SNTG1: variants seen among roughly 807,000 people sequenced by gnomAD.
SNTG1 encodes the protein gamma-1-syntrophin.
In SNTG1, 39 loss-of-function variants were observed where a neutral mutation model predicts 74.7. That is an observed-to-expected ratio of 0.52 (90% CI 0.40 to 0.68). The LOEUF (loss-of-function observed/expected upper bound fraction) is 0.68, where lower values mean the gene tolerates loss of function less well. Ranked by LOEUF, SNTG1 falls within the 30% of genes least tolerant of loss-of-function variation. The probability of loss-of-function intolerance (pLI) is 0.00; values close to 1 mark genes in which losing one functional copy is unlikely to be tolerated. For synonymous variants in SNTG1, 254 were observed against 217.1 expected, an observed-to-expected ratio of 1.17 and a Z score of -1.49; for missense variants, 685 against 609.5, an observed-to-expected ratio of 1.12 and a Z score of -1.30.
chr8:50,482,630 A>G (rs1383817), intron 8 of SNTG1, among the ~76,000 whole-genome samples: 3,513 of 152,272 alleles, frequency 0.023, 126 homozygotes, highest in African/African-American at 0.077. Flanking sequence ...ACTTCAATTC[A>G]TTTAGAGAGT....
chr8:50,651,497 G>A (rs1290835650), intron 13 of SNTG1, among the ~76,000 whole-genome samples: 6 of 151,888 alleles, frequency 4.0e-5, no homozygotes, highest in African/African-American at 1.5e-4. Context: ...CGCTCTTGTT[G>A]CCCAGACTGG....
chr8:50,713,960 G>A (rs766559558), intron 17 of SNTG1, among the ~76,000 whole-genome samples: 1 of 151,322 alleles, frequency 6.6e-6, no homozygotes, highest in African/African-American at 2.4e-5. Flanking sequence ...TCAGGAGGCT[G>A]AGGCAGGAGA....
intron 4 of SNTG1, among the ~76,000 whole-genome samples, chr8:50,421,060 G>GC (rs1310954505): frequency 8.4e-6 from 1 of 119,400 alleles, no homozygotes; most frequent in Non-Finnish European, 1.8e-5. Flanking sequence ...GGAGGGGGGG[G>GC]CGAAGATAAA....
rs2080104626 is a variant in SNTG1 at position 50,101,057 on chromosome 8, T to C, written c.-102-71504T>C. On this transcript the variant is annotated intron_variant, in intron 1 of 18. Transcript: ENST00000642720. Reference sequence around the variant, plus strand: ...TTTGGTTTTCTGTTCCTACGTTACTTTGCTTAGGATAATGGCCTCCAGTTC... The same window carrying C: ...TTTGGTTTTCTGTTCCTACGTTACTCTGCTTAGGATAATGGCCTCCAGTTC... Among the ~76,000 whole-genome samples the C allele has an allele frequency of 1.3e-5, 2 of 152,150 alleles. 1 individual carries two copies. The highest frequency in any genetic ancestry group is 4.1e-4 in the South Asian group (2 of 4,834).
chr8:50,270,275 G>A (rs1045248092), intron 2 of SNTG1, among the ~76,000 whole-genome samples: 2 of 152,086 alleles, frequency 1.3e-5, no homozygotes, highest in African/African-American at 4.8e-5. Context: ...GTGTTTCAGT[G>A]GGGCCACACA....
chr8:50,439,422 A>G (rs2093337237), intron 5 of SNTG1, among the ~76,000 whole-genome samples: 1 of 152,070 alleles, frequency 6.6e-6, no homozygotes. Flanking sequence ...CTCATGTCAT[A>G]TATTTATGGA....
intron 4 of SNTG1, among the ~76,000 whole-genome samples, chr8:50,424,399 C>T (rs143805945): frequency 1.3e-5 from 2 of 152,150 alleles, no homozygotes; most frequent in East Asian, 3.9e-4. Flanking sequence ...GTAAGGTGTA[C>T]CAATCAAAAA....
intron 8 of SNTG1, among the ~76,000 whole-genome samples, chr8:50,484,278 C>G (rs2093770921): frequency 6.7e-6 from 1 of 149,956 alleles, no homozygotes; most frequent in Non-Finnish European, 1.5e-5. Context: ...AGCAATGGCA[C>G]AGTCTCAGCT....
chr8:50,088,203 C>T (rs1336306165), intron 1 of SNTG1, among the ~76,000 whole-genome samples: 5 of 151,708 alleles, frequency 3.3e-5, no homozygotes, highest in Admixed American at 6.6e-5. Context: ...TGGGTTGGTT[C>T]CAAGTCTTTG....
intron 13 of SNTG1, among the ~76,000 whole-genome samples, chr8:50,630,104 G>T (rs1042313530): frequency 1.3e-5 from 2 of 152,120 alleles, no homozygotes; most frequent in Non-Finnish European, 2.9e-5. Flanking sequence ...GTGATAAAAG[G>T]TAAGTAGGAA....
intron 4 of SNTG1, among the ~76,000 whole-genome samples, chr8:50,436,897 G>A (rs548698312): frequency 5.9e-5 from 9 of 152,016 alleles, no homozygotes; most frequent in East Asian, 5.8e-4. Flanking sequence ...TAGGTTTTGC[G>A]ATATAAATTC....
chr8:50,068,186 C>G (rs1821055637), intron 1 of SNTG1, among the ~76,000 whole-genome samples: 1 of 152,148 alleles, frequency 6.6e-6, no homozygotes, highest in Non-Finnish European at 1.5e-5. Context: ...TCTCACATTG[C>G]AGGTTTGATG....
intron 1 of SNTG1, among the ~76,000 whole-genome samples, chr8:49,919,454 G>C (rs532394536): frequency 1.8e-4 from 27 of 152,218 alleles, no homozygotes; most frequent in African/African-American, 6.5e-4. Context: ...CAATGCTAGT[G>C]AAGAATCTAC....
At chr8:49,910,466 G>C (rs1805524229), upstream of SNTG1, among the ~76,000 whole-genome samples, 1 of 152,148 alleles carries the variant, frequency 6.6e-6, no homozygotes, top group Non-Finnish European at 1.5e-5. Flanking sequence ...ACTCCACATA[G>C]TTTCAAAGGT....
chr8:50,006,119 T>A (rs318917), intron 1 of SNTG1, among the ~76,000 whole-genome samples: 14 of 151,590 alleles, frequency 9.2e-5, no homozygotes, highest in Non-Finnish European at 1.8e-4. Flanking sequence ...CATGCCACCA[T>A]GCCCAGCTAA....
At chr8:50,754,163 T>C (rs905639968) in intron 18 of SNTG1, among the ~76,000 whole-genome samples, 1 of 151,454 alleles carries the variant, frequency 6.6e-6, no homozygotes, top group African/African-American at 2.4e-5. Context: ...GTGTAGATGT[T>C]CTTGTGTGGA....
intron 1 of SNTG1, among the ~76,000 whole-genome samples, chr8:49,921,186 A>G (rs1434367488): frequency 2.0e-5 from 3 of 152,124 alleles, no homozygotes; most frequent in African/African-American, 7.2e-5. Context: ...TTGTTTACAG[A>G]CATAAATATC....
chr8:50,517,627 A>AC (rs1028028963), intron 9 of SNTG1, among the ~76,000 whole-genome samples: 4 of 151,142 alleles, frequency 2.6e-5, no homozygotes, highest in African/African-American at 9.7e-5. Flanking sequence ...AAAAAAAAAA[A>AC]AAAAAAAAAA....
At chr8:50,727,927 A>G (rs977174864) in intron 17 of SNTG1, among the ~76,000 whole-genome samples, 2 of 152,196 alleles carry the variant, frequency 1.3e-5, no homozygotes, top group Non-Finnish European at 2.9e-5. Flanking sequence ...TCCCTGCAGA[A>G]GGTGACTCCT....
Sources: gnomAD v4.1 joint callset for allele counts (sites outside exome capture counted in the v4.1 genomes callset) on GRCh38, gnomAD v4.1.1 for gene constraint, MANE v1.5 for transcripts, NCBI Gene and HGNC (gene_info 2026-07-23, HGNC 2026-07-21) for gene names.